LRRC47: variants seen among roughly 807,000 people sequenced by gnomAD.
The protein encoded by LRRC47 is leucine rich repeat containing 47, also known as leucine-rich repeat-containing protein 47.
A neutral mutation model predicts 40.9 loss-of-function variants in LRRC47; 31 were observed. The observed-to-expected ratio is 0.76, with a 90% CI of 0.57 to 1.02. The LOEUF (loss-of-function observed/expected upper bound fraction) is 1.02, where lower values mean the gene tolerates loss of function less well. Among genes scored for constraint, LRRC47 ranks in the 50% least tolerant of loss-of-function variants. LRRC47 has a pLI of 0.00. For missense variants in LRRC47, 726 were observed against 796.1 expected (o/e 0.91, Z 1.06); for synonymous variants, 427 against 371.9 (o/e 1.15, Z -1.70).
At chr1:3,784,305 G>A (rs1643549981) in intron 3 of LRRC47, 194 bp from the exon 4 acceptor site, 3 of 574,078 alleles carry the variant, frequency 5.2e-6, no homozygotes, top group East Asian at 5.7e-5. Flanking sequence ...GTCCCGGGGA[G>A]ACCTGACGCC....
Position 3,787,280 on chromosome 1 carries a change from C to T in LRRC47, c.646G>A (p.Glu216Lys), listed in dbSNP as rs767177931. The T allele has an allele frequency of 3.7e-6, 6 of 1,612,630 alleles. No individual in the cohort carries two copies. Among genetic ancestry groups the T allele is most frequent in the South Asian group, 1.1e-5 (1 of 91,078 alleles). ...TLDLSNNQLSEIPAELADCPK... is the reference protein window; with the variant it reads ...TLDLSNNQLSKIPAELADCPK... ...CAGTCCGCAAGCTCTGCAGGGATCT[C>T]GCTCAGCTGGTTGTTCGAGAGGTCC... is the stretch of plus-strand genomic sequence containing the variant. The change falls in exon 2 of 7, where the codon GAG becomes AAG. Residue 216 changes from glutamate to lysine, a missense_variant. Transcript: ENST00000378251.
At chr1:3,792,448 G>C (rs1021742694) in intron 1 of LRRC47, among the ~76,000 whole-genome samples, 3 of 148,126 alleles carry the variant, frequency 2.0e-5, no homozygotes, top group Non-Finnish European at 3.0e-5. Flanking sequence ...AGGTGCTACA[G>C]AGAGCTGGAC....
Position 3,787,263 on chromosome 1 carries a change from A to G in LRRC47, c.663T>C (p.Leu221=), listed in dbSNP as rs41301965. ...NNQLSEIPAE[L]ADCPKLKEIN... is the part of the protein sequence containing the mutation. ...TCTCCTTGAGCTTGGGGCAGTCCGC[A>G]AGCTCTGCAGGGATCTCGCTCAGCT... The change falls in exon 2 of 7, where the codon CTT becomes CTC. Residue 221 remains leucine (L), a synonymous_variant. Coordinates refer to ENST00000378251, the MANE Select transcript of LRRC47 (RefSeq NM_020710.3). 2,436 of 1,613,340 alleles carry G rather than the reference A, an allele frequency of 1.5e-3. 2 individuals are homozygous for G. Among genetic ancestry groups the G allele is most frequent in the Non-Finnish European group, 1.9e-3 (2,248 of 1,180,034 alleles).
intron 1 of LRRC47, among the ~76,000 whole-genome samples, chr1:3,790,367 G>T (rs142211051): frequency 6.6e-6 from 1 of 152,376 alleles, no homozygotes; most frequent in Non-Finnish European, 1.5e-5. Context: ...GCTTGGCCTT[G>T]GGAGGGGAGT....
Position 3,796,226 on chromosome 1 carries a change from C to T in LRRC47, c.251G>A (p.Arg84His). 2 of 1,426,672 alleles carry T rather than the reference C, an allele frequency of 1.4e-6. No individual in the cohort carries two copies. Among genetic ancestry groups the T allele is most frequent in the South Asian group, 2.8e-5 (2 of 70,614 alleles). 88.4% of individuals were successfully genotyped at this position (1,426,672 alleles called of 1,614,324 possible). The part of the protein sequence containing the change: ...LPQLHSLVLR[R>H]NALGPGLSPE... ...GCTCAGGCCGGGCCCCAGCGCGTTGCGCCGCAGCACGAGGCTGTGCAGCTG... is the reference window on the plus strand; with the variant it reads ...GCTCAGGCCGGGCCCCAGCGCGTTGTGCCGCAGCACGAGGCTGTGCAGCTG... Residue 84 changes from arginine (R) to histidine (H), a missense_variant, in exon 1 of 7, where the codon CGC becomes CAC. Arg to His is a conservative substitution (Grantham distance 29). Transcript: ENST00000378251.
rs1195044927 is a variant in LRRC47, at chr1:3,785,177, C to T, written c.1104G>A (p.Glu368=). The T allele has an allele frequency of 1.3e-6, 2 of 1,588,590 alleles. No homozygotes were observed. Among genetic ancestry groups the T allele is most frequent in the South Asian group, 1.1e-5 (1 of 88,298 alleles). The change falls in exon 3 of 7, where the codon GAG becomes GAA. Residue 368 remains glutamate (E), a synonymous_variant. Coordinates refer to ENST00000378251, the MANE Select transcript of LRRC47 (RefSeq NM_020710.3). Reference sequence around the variant, plus strand: ...TGGCAAGGGTGGCAGCCGTCCTCTTCTCACAGAGATCTTCGTGGAGCTTGG... The same window carrying T: ...TGGCAAGGGTGGCAGCCGTCCTCTTTTCACAGAGATCTTCGTGGAGCTTGG... ...SQTKLHEDLC[E]KRTAATLATH... is the part of the protein sequence containing the mutation.
At chr1:3,789,955 G>T (rs1643611842) in intron 1 of LRRC47, among the ~76,000 whole-genome samples, 1 of 152,240 alleles carries the variant, frequency 6.6e-6, no homozygotes, top group Non-Finnish European at 1.5e-5. Flanking sequence ...CCGCAAGGAT[G>T]TGAGGTGCAC....
At chr1:3,792,422 G>A (rs1011976854) in intron 1 of LRRC47, among the ~76,000 whole-genome samples, 3 of 151,538 alleles carry the variant, frequency 2.0e-5, no homozygotes, top group Non-Finnish European at 4.4e-5. Flanking sequence ...CCATAAAGAG[G>A]AATGCTTTAC....
At position 3,784,060 on chromosome 1, in the gene LRRC47, G is replaced by A. The variant is rs75360301; in HGVS notation, c.1246C>T (p.Leu416=). Residue 416 remains leucine, a synonymous_variant, in exon 4 of 7, where the codon CTG becomes TTG. Transcript: ENST00000378251. ...CTCTGCTCCTCGGCCTCCAGCTGCA[G>A]CTGCCGCACCAGCTCCTTGGCCTTG... ...EAKAKELVRQ[L]QLEAEEQRKQ... The A allele has an allele frequency of 7.4e-6, 12 of 1,612,510 alleles. No homozygotes were observed. In the East Asian group the frequency reaches 2.7e-4, roughly 36 times the overall value.
intron 1 of LRRC47, among the ~76,000 whole-genome samples, chr1:3,792,479 GAGACGCAGTCTCA>G (rs1643635743): frequency 1.8e-5 from 1 of 54,622 alleles, no homozygotes; most frequent in Non-Finnish European, 3.6e-5. Flanking sequence ...TTTTTTTTTT[GAGACGCAGTCTCA>G]CTTTCTCACC....
At chr1:3,782,240 G>A (rs1181912766) in intron 5 of LRRC47, among the ~76,000 whole-genome samples, 7 of 148,788 alleles carry the variant, frequency 4.7e-5, no homozygotes, top group South Asian at 2.1e-4. Flanking sequence ...TTCTGGAGAC[G>A]GAGTTTCACT....
At chr1:3,790,720 C>A (rs1296327193) in intron 1 of LRRC47, among the ~76,000 whole-genome samples, 1 of 152,250 alleles carries the variant, frequency 6.6e-6, no homozygotes, top group Non-Finnish European at 1.5e-5. Context: ...ACAGCAGAGG[C>A]CTCGTCCCCA....
Position 3,785,192 on chromosome 1 carries a change from G to A in LRRC47, c.1089C>T (p.His363=), listed in dbSNP as rs201591803. 163 of 1,573,052 alleles carry A rather than the reference G, an allele frequency of 1.0e-4. No individual in the cohort carries two copies. The highest frequency in any genetic ancestry group is 1.7e-4 in the Middle Eastern group (1 of 5,792). The change falls in exon 3 of 7, where the codon CAC becomes CAT. Residue 363 remains histidine, a synonymous_variant. Coordinates refer to ENST00000378251, the MANE Select transcript of LRRC47 (RefSeq NM_020710.3). ...KRFLTSQTKL[H]EDLCEKRTAA... ...CCGTCCTCTTCTCACAGAGATCTTCGTGGAGCTTGGTCTGTAACACAGAAG... is the reference window on the plus strand; with the variant it reads ...CCGTCCTCTTCTCACAGAGATCTTCATGGAGCTTGGTCTGTAACACAGAAG...
intron 1 of LRRC47, among the ~76,000 whole-genome samples, chr1:3,791,236 G>T (rs1396094206): frequency 6.6e-6 from 1 of 152,234 alleles, no homozygotes; most frequent in African/African-American, 2.4e-5. Flanking sequence ...AGCCAGCCCA[G>T]AGCGCAGAGC....
Position 3,796,412 on chromosome 1 carries a change from C to T in LRRC47, c.65G>A (p.Arg22Gln). 1 of 1,516,924 alleles carries T rather than the reference C, an allele frequency of 6.6e-7. No individual in the cohort carries two copies. Among genetic ancestry groups the T allele is most frequent in the Non-Finnish European group, 8.8e-7 (1 of 1,140,156 alleles). 94.0% of individuals were successfully genotyped at this position (1,516,924 alleles called of 1,614,324 possible). A position where few individuals can be genotyped will look rare whatever the true frequency, so the allele number is the denominator to read the frequency against. ...ELELAERERR[R>Q]ELLLTGPGLE... ...CCCGGGCCCCGTCAGCAGCAGCTCC[C>T]GCCGCCGCTCGCGCTCAGCCAGCTC... Residue 22 changes from arginine to glutamine, a missense_variant, in exon 1 of 7, where the codon CGG (arginine) becomes CAG (glutamine). Transcript: ENST00000378251.
chr1:3,782,225 T>G (rs1643527327), intron 5 of LRRC47, among the ~76,000 whole-genome samples: 1 of 151,200 alleles, frequency 6.6e-6, no homozygotes, highest in Admixed American at 6.6e-5. Context: ...CTCTTCTTTT[T>G]TTTTTTCTGG....
intron 1 of LRRC47, among the ~76,000 whole-genome samples, chr1:3,788,667 G>C (rs1019688447): frequency 5.3e-5 from 8 of 152,156 alleles, no homozygotes; most frequent in Admixed American, 1.3e-4. Context: ...TCAGACACGG[G>C]TAAGGGCAGC....
chr1:3,786,914 C>T lies in LRRC47; in HGVS notation c.1012G>A (p.Gly338Arg), dbSNP rs1052377496. The T allele has an allele frequency of 1.2e-6, 2 of 1,607,368 alleles. No homozygotes were observed. Among genetic ancestry groups the T allele is most frequent in the African/African-American group, 2.7e-5 (2 of 74,762 alleles). ...AGGTCCATGCCTCGCACCACGGCCC[C>T]CACAATGTAGGGCCGCACATCCCGG... ...EVRDVRPYIV[G>R]AVVRGMDLQP... Residue 338 changes from glycine (G) to arginine (R), a missense_variant, in exon 2 of 7, where the codon GGG becomes AGG. Gly to Arg is a moderately radical substitution (Grantham distance 125, BLOSUM62 -2). Transcript: ENST00000378251.
In LRRC47 at chr1:3,796,121, C is replaced by A; in HGVS notation, c.356G>T (p.Gly119Val). The stretch of plus-strand genomic sequence containing the variant: ...GCCCGGCGGCTCGGCGGGGCCCAGG[C>A]CTTGGCCCGGCGGCAGCGCCTCCAG... Reference protein sequence around the residue: ...NALEALPPGQGLGPAEPPGLP... With the variant: ...NALEALPPGQVLGPAEPPGLP... The change falls in exon 1 of 7, where the codon GGC (glycine) becomes GTC (valine). Residue 119 changes from glycine (G) to valine (V), a missense_variant. Coordinates refer to ENST00000378251, the MANE Select transcript of LRRC47 (RefSeq NM_020710.3). The A allele has an allele frequency of 1.4e-6, 2 of 1,437,738 alleles. No individual in the cohort carries two copies. The highest frequency in any genetic ancestry group is 1.4e-5 in the South Asian group (1 of 71,086). The allele number at this position is 1,437,738 out of a possible 1,614,324, so 89.1% of individuals were successfully genotyped here.
Sources: allele counts gnomAD v4.1 joint callset (sites outside exome capture counted in the v4.1 genomes callset), GRCh38; gene constraint gnomAD v4.1.1; transcripts MANE v1.5; gene names NCBI Gene and HGNC (gene_info 2026-07-23, HGNC 2026-07-21).